Variants in MED12 observed in about 807,000 individuals in gnomAD.
The protein encoded by MED12 is mediator of RNA polymerase II transcription subunit 12.
Under a neutral mutation model 177.7 loss-of-function variants are expected in MED12, and 10 were observed. That is an observed-to-expected ratio of 0.06 (90% CI 0.03 to 0.10). The LOEUF (loss-of-function observed/expected upper bound fraction) is 0.10. Among genes scored for constraint, MED12 ranks in the 10% least tolerant of loss-of-function variants. MED12 has a pLI of 1.00. For synonymous variants in MED12, 641 were observed against 678.4 expected (o/e 0.94, Z 0.86); for missense variants, 867 against 1,780.8 (o/e 0.49, Z 9.23).
chrX:71,118,625 C>A lies in MED12; in HGVS notation c.-130C>A. The A allele has an allele frequency of 1.8e-6, 1 of 557,961 alleles. No individual in the cohort carries two copies. The allele number at this position is 557,961 out of a possible 1,213,427, so 46.0% of individuals were successfully genotyped here. A position where few individuals can be genotyped will look rare whatever the true frequency, so the allele number is the denominator to read the frequency against. On this transcript the variant is annotated 5_prime_UTR_variant, in exon 1 of 45. Coordinates refer to ENST00000374080, the MANE Select transcript of MED12 (RefSeq NM_005120.3). ...TCCGGCAATGGTCGAGAGTTTCTAA[C>A]GTGCCCCCTTGTTGTCTCTCGGCCG...
In MED12 at chrX:71,132,971, G is replaced by A; in HGVS notation, c.4527+15G>A. The A allele has an allele frequency of 6.1e-6, 7 of 1,149,141 alleles. No individual in the cohort carries two copies. The highest frequency in any genetic ancestry group is 8.2e-6 in the Non-Finnish European group (7 of 848,981). 94.7% of individuals were successfully genotyped at this position (1,149,141 alleles called of 1,213,427 possible). ...AGGTGCACCAGGTACAGATCTCTGG[G>A]CCATGGAGGTGGGCAGGAGGTCAGG... On this transcript the variant is annotated intron_variant, in intron 32 of 44. Coordinates refer to ENST00000374080, the MANE Select transcript of MED12 (RefSeq NM_005120.3).
In MED12 at chrX:71,136,666, C is replaced by T. The variant is rs1463485224; in HGVS notation, c.5400+11C>T. On this transcript the variant is annotated intron_variant, in intron 37 of 44. Transcript: ENST00000374080. ...GCTACCAAGACAGAGGTGAGCGCCT[C>T]CCCCGTGACAGTTCTCCCACAGCCT... 2.5e-6 allele frequency: 3 copies of T among 1,204,657 alleles called. No individual in the cohort carries two copies. The highest frequency in any genetic ancestry group is 3.6e-5 in the South Asian group (2 of 56,068).
intron 17 of MED12, 32 bp downstream of exon 17, chrX:71,125,745 C>A (rs371572170): frequency 7.0e-6 from 8 of 1,138,722 alleles, no homozygotes; most frequent in Non-Finnish European, 9.6e-6. Context: ...ACTGCCCTCC[C>A]TCCCTCTCCC....
Position 71,132,264 on chromosome X carries a change from A to C in MED12, c.4253+58A>C, listed in dbSNP as rs1367024282. On this transcript the variant is annotated intron_variant, in intron 30 of 44. Coordinates refer to ENST00000374080, the MANE Select transcript of MED12 (RefSeq NM_005120.3). Reference sequence around the variant, plus strand: ...TAGGAGTTTATCTGCTGGTAGCGTGAGTGATATCAGATGCGTGGAGATGCC... The same window carrying C: ...TAGGAGTTTATCTGCTGGTAGCGTGCGTGATATCAGATGCGTGGAGATGCC... 4 of 1,173,435 alleles carry C rather than the reference A, an allele frequency of 3.4e-6. No homozygotes were observed. In the African/African-American group the frequency reaches 7.1e-5, roughly 21 times the overall value.
Position 71,136,474 on chromosome X carries a change from A to AGCCACT in MED12, c.5229_5234dup (p.Leu1744_Pro1745dup). On this transcript the variant is annotated inframe_insertion, in exon 37 of 45. Coordinates refer to ENST00000374080, the MANE Select transcript of MED12 (RefSeq NM_005120.3). ...CCCCGGCCCCGCGCCTATTACCTGGAGCCACTGCCACTGCCCCCAGAAGAT... is the reference window on the plus strand; with the variant it reads ...CCCCGGCCCCGCGCCTATTACCTGGAGCCACTGCCACTGCCACTGCCCCCAGAAGAT... The AGCCACT allele has an allele frequency of 8.3e-7, 1 of 1,208,561 alleles. No homozygotes were observed. Among genetic ancestry groups the AGCCACT allele is most frequent in the African/African-American group, 1.7e-5 (1 of 57,552 alleles).
chrX:71,137,130 A>T, intron 38 of MED12, 57 bp from the exon 39 acceptor site: 1 of 1,198,293 alleles, frequency 8.3e-7, no homozygotes, highest in Non-Finnish European at 1.1e-6. Flanking sequence ...TGTCAAGGAC[A>T]CTGAGCAAGA....
chrX:71,122,062 T>C (rs1327584117), intron 7 of MED12, 138 bp from the exon 8 acceptor site: 55 of 901,431 alleles, frequency 6.1e-5, no homozygotes, highest in Non-Finnish European at 1.6e-5. Flanking sequence ...AGGGAGGGGA[T>C]CGGGGTGGAG....
intron 36 of MED12, among the ~76,000 whole-genome samples, chrX:71,135,754 CTT>C (rs1245543468): frequency 8.9e-6 from 1 of 111,943 alleles, no homozygotes; most frequent in African/African-American, 3.3e-5. Flanking sequence ...CCATCTGTCT[CTT>C]TTCCTCCGTC....
chrX:71,125,080 G>A lies in MED12; in HGVS notation c.2160G>A (p.Gly720=), dbSNP rs759126508. 9 of 1,210,807 alleles carry A rather than the reference G, an allele frequency of 7.4e-6. No individual in the cohort carries two copies. Among genetic ancestry groups the A allele is most frequent in the South Asian group, 1.8e-5 (1 of 56,949 alleles). Residue 720 remains glycine (G), a synonymous_variant, in exon 15 of 45, where the codon GGG becomes GGA. Coordinates refer to ENST00000374080, the MANE Select transcript of MED12 (RefSeq NM_005120.3). ...VKPPPKEKIE[G]TLGVLYDQPR... is the part of the protein sequence containing the mutation. ...CCCCACCCAAGGAGAAGATTGAAGG[G>A]ACCCTTGGGGTTCTTTACGACCAGC...
At position 71,125,985 on chromosome X, in the gene MED12, C is replaced by G. The variant is rs199675815; in HGVS notation, c.2423-51C>G. ...CCATACCCCACTCCCCACCCCTAGT[C>G]AACTAGTTATCTTCCCTGTCTTGAC... On this transcript the variant is annotated intron_variant, in intron 17 of 44. Transcript: ENST00000374080. The G allele has an allele frequency of 1.5e-3, 1,128 of 767,885 alleles. 2 individuals are homozygous for G. Among genetic ancestry groups the G allele is most frequent in the Non-Finnish European group, 1.9e-3 (1,009 of 536,792 alleles). 63.3% of individuals were successfully genotyped at this position (767,885 alleles called of 1,213,427 possible).
At position 71,139,534 on chromosome X, in the gene MED12, G is replaced by T. The variant is rs572669032; in HGVS notation, c.6045-1101G>T. Among the ~76,000 whole-genome samples, 28 of 110,111 alleles carry T rather than the reference G, an allele frequency of 2.5e-4. No individual in the cohort carries two copies. The South Asian group carries it at 0.011, about 43-fold the overall frequency. Reference sequence around the variant, plus strand: ...AAAGGGCTCTTTTGATCAGAAGAGTGATAGGAGGAGTTGGGTATGTTGCAA... The same window carrying T: ...AAAGGGCTCTTTTGATCAGAAGAGTTATAGGAGGAGTTGGGTATGTTGCAA... On this transcript the variant is annotated intron_variant, in intron 41 of 44. Transcript: ENST00000374080.
intron 13 of MED12, 96 bp downstream of exon 13, chrX:71,124,484 G>A (rs2092297788): frequency 1.5e-6 from 1 of 673,958 alleles, no homozygotes; most frequent in African/African-American, 2.3e-5. Flanking sequence ...CCTGGGGGAG[G>A]GGGGTAGTAT....
chrX:71,137,813 C>A lies in MED12; in HGVS notation c.5914C>A (p.Pro1972Thr). The change falls in exon 41 of 45, where the codon CCT becomes ACT. Residue 1972 changes from proline to threonine, a missense_variant. By Grantham distance (38) the Pro-to-Thr change is conservative (BLOSUM62 -1). Transcript: ENST00000374080. The stretch of plus-strand genomic sequence containing the variant: ...GGTGCCCCCCAGCTACTCCAGCCAG[C>A]CTTACCAGAGCACCCACCCTTCTAC... ...TMVPPSYSSQ[P>T]YQSTHPSTNP... is the part of the protein sequence containing the mutation. The A allele has an allele frequency of 8.3e-7, 1 of 1,211,643 alleles. No homozygotes were observed. Among genetic ancestry groups the A allele is most frequent in the Non-Finnish European group, 1.1e-6 (1 of 895,439 alleles).
At chrX:71,136,828 G>A (rs745842345) in intron 37 of MED12, 51 bp from the exon 38 acceptor site, 16 of 1,204,550 alleles carry the variant, frequency 1.3e-5, no homozygotes, top group African/African-American at 5.3e-5. Context: ...CCAGCTCCCC[G>A]ACCCCATTCA....
intron 33 of MED12, 97 bp from the exon 34 acceptor site, chrX:71,134,260 T>C: frequency 2.4e-6 from 1 of 423,777 alleles, no homozygotes; most frequent in Non-Finnish European, 4.1e-6. Flanking sequence ...AACTCAAGCA[T>C]GAACTCAGGC....
Position 71,126,057 on chromosome X carries a change from G to A in MED12, c.2444G>A (p.Arg815Gln), listed in dbSNP as rs762905361. 4 of 1,207,021 alleles carry A rather than the reference G, an allele frequency of 3.3e-6. No individual in the cohort carries two copies. The highest frequency in any genetic ancestry group is 3.0e-5 in the East Asian group (1 of 33,679). Residue 815 changes from arginine to glutamine, a missense_variant, in exon 18 of 45, where the codon CGG becomes CAG. This residue lies in a region of MED12 where 309 missense variants were observed against 556.3 expected (regional missense o/e 0.56). Transcript: ENST00000374080. ...TCAGGTGGGGAGGATGGGCAGAAGC[G>A]GCGACGCAACCGGCCTGAAGCCTTC... Reference protein sequence around the residue: ...TFLGGEDGQKRRRNRPEAFPT... With the variant: ...TFLGGEDGQKQRRNRPEAFPT...
rs1350320350 is a variant in MED12 at position 71,121,108 on chromosome X, C to T, written c.691C>T (p.Arg231Trp). 5.0e-6 allele frequency: 6 copies of T among 1,208,432 alleles called. No individual in the cohort carries two copies. Among genetic ancestry groups the T allele is most frequent in the African/African-American group, 1.8e-5 (1 of 56,587 alleles). ...PLPHDVEVAI[R>W]QWDYTEKLAM... is the part of the protein sequence containing the mutation. ...GCCCCATGATGTAGAGGTGGCAATC[C>T]GGCAGTGGGATTACACCGAGAAGCT... is the stretch of plus-strand genomic sequence containing the variant. The change falls in exon 5 of 45, where the codon CGG becomes TGG. Residue 231 changes from arginine (R) to tryptophan (W), a missense_variant. Arg to Trp is a moderately radical substitution (Grantham distance 101). Around this residue, in one of 14 missense-constraint regions of MED12, gnomAD observed 309 missense variants for 556.3 expected, o/e 0.56. Transcript: ENST00000374080.
chrX:71,133,326 G>A, intron 33 of MED12, 114 bp downstream of exon 33: 2 of 494,926 alleles, frequency 4.0e-6, no homozygotes, highest in Non-Finnish European at 6.9e-6. Flanking sequence ...GTTATTCTGA[G>A]TCTTGAAGGG....
chrX:71,124,128 T>C (rs755539783), intron 12 of MED12, 31 bp from the exon 13 acceptor site: 2 of 1,159,120 alleles, frequency 1.7e-6, no homozygotes, highest in Non-Finnish European at 2.4e-6. Flanking sequence ...TGTGTTCTCC[T>C]AACTTATGTT....
Sources: allele counts gnomAD v4.1 joint callset (sites outside exome capture counted in the v4.1 genomes callset), GRCh38; gene constraint gnomAD v4.1.1; regional missense constraint gnomAD v4.1.1; transcripts MANE v1.5; gene names NCBI Gene and HGNC (gene_info 2026-07-23, HGNC 2026-07-21).